Variants in STARD13 observed in about 807,000 individuals in gnomAD.
STARD13 encodes StAR related lipid transfer domain containing 13.
Under a neutral mutation model 106.4 loss-of-function variants are expected in STARD13, and 62 were observed. The ratio of observed to expected loss-of-function variants is 0.58; its 90% CI spans 0.48 to 0.72. STARD13 has a LOEUF of 0.72. Ranked by LOEUF, STARD13 falls within the 30% of genes least tolerant of loss-of-function variation. STARD13 has a pLI of 0.00. For synonymous variants in STARD13, 565 were observed against 553.0 expected (o/e 1.02, Z -0.31); for missense variants, 1,387 against 1,424.0 (o/e 0.97, Z 0.42).
intron 1 of STARD13, among the ~76,000 whole-genome samples, chr13:33,296,381 T>C (rs1285787704): frequency 6.6e-6 from 1 of 152,134 alleles, no homozygotes; most frequent in Non-Finnish European, 1.5e-5. Flanking sequence ...TATCAGTCAA[T>C]TAAATATTTT....
intron 1 of STARD13, among the ~76,000 whole-genome samples, chr13:33,231,755 T>C (rs1042728072): frequency 6.6e-6 from 1 of 152,150 alleles, no homozygotes; most frequent in Admixed American, 6.5e-5. Context: ...GTCCGGGGCA[T>C]TCCCATAACT....
At chr13:33,353,815 C>A (rs1294567992), upstream of STARD13, among the ~76,000 whole-genome samples, 1 of 127,510 alleles carries the variant, frequency 7.8e-6, no homozygotes, top group Non-Finnish European at 1.8e-5. Flanking sequence ...GCTTCCACTT[C>A]CAGACATTGT....
At chr13:33,637,449 G>C in the STARD13 span, among the ~76,000 whole-genome samples, 1 of 152,188 alleles carries the variant, frequency 6.6e-6, no homozygotes. Context: ...AAAACTTGTC[G>C]TGAGAAGGAT....
chr13:33,111,973 T>A, intron 9 of STARD13, 81 bp from the exon 10 acceptor site: 1 of 858,328 alleles, frequency 1.2e-6, no homozygotes, highest in Non-Finnish European at 2.0e-6. Flanking sequence ...TTTTGTTTTC[T>A]GTTTATACCC....
chr13:33,532,001 T>C, the STARD13 span, among the ~76,000 whole-genome samples: 1 of 152,208 alleles, frequency 6.6e-6, no homozygotes, highest in Non-Finnish European at 1.5e-5. Context: ...CGTCCCCATC[T>C]TTTTAGTGAT....
At chr13:33,296,818 C>G (rs1387026326) in intron 1 of STARD13, among the ~76,000 whole-genome samples, 1 of 152,138 alleles carries the variant, frequency 6.6e-6, no homozygotes, top group Non-Finnish European at 1.5e-5. Context: ...AGGGTTTCAC[C>G]ATGTTGGCCA....
chr13:33,385,135 A>T, the STARD13 span, among the ~76,000 whole-genome samples: 2 of 144,168 alleles, frequency 1.4e-5, no homozygotes, highest in African/African-American at 5.1e-5. Context: ...GAATATATAT[A>T]TATATATATA....
rs144309419 is a variant in STARD13 at position 33,332,474 on chromosome 13, A to G, written c.124+17816T>C. Among the ~76,000 whole-genome samples the G allele has an allele frequency of 1.8e-3, 269 of 152,326 alleles. 2 individuals carry two copies. The highest frequency in any genetic ancestry group is 6.2e-3 in the African/African-American group (256 of 41,566). On this transcript the variant is annotated intron_variant, in intron 1 of 5. Transcript: ENST00000567873. ...GATTAGTGACCTTATAAAAGGGACC[A>G]CAGAGAGATTTCTCACTCTCTTTCT...
At chr13:33,653,753 GA>G in the STARD13 span, among the ~76,000 whole-genome samples, 1 of 151,892 alleles carries the variant, frequency 6.6e-6, no homozygotes, top group Non-Finnish European at 1.5e-5. Context: ...CCACAAAATT[GA>G]GGAAGATATT....
At chr13:33,326,260 A>G (rs1159120518) in intron 1 of STARD13, among the ~76,000 whole-genome samples, 2 of 152,166 alleles carry the variant, frequency 1.3e-5, no homozygotes, top group Non-Finnish European at 2.9e-5. Flanking sequence ...TCCCTATGCT[A>G]GGAAAGCCCT....
At chr13:33,335,568 C>T (rs1481118965) in intron 1 of STARD13, among the ~76,000 whole-genome samples, 1 of 152,246 alleles carries the variant, frequency 6.6e-6, no homozygotes, top group Non-Finnish European at 1.5e-5. Context: ...CTTGCACACG[C>T]CACTTAACCT....
chr13:33,502,002 CT>C, the STARD13 span, among the ~76,000 whole-genome samples: 1 of 152,170 alleles, frequency 6.6e-6, no homozygotes. Context: ...GATATTGATT[CT>C]TCCTATCCAT....
chr13:33,350,594 G>A (rs1179644804), exon 1 of STARD13: 1 of 1,385,938 alleles, frequency 7.2e-7, no homozygotes, highest in Admixed American at 3.2e-5. Flanking sequence ...GCGAGGACCG[G>A]GATGCCTGGC....
intron 3 of STARD13, among the ~76,000 whole-genome samples, chr13:33,163,658 C>CATATATATAAAACAT (rs1882953118): frequency 1.4e-5 from 1 of 71,622 alleles, no homozygotes; most frequent in African/African-American, 4.1e-5. Context: ...ATATATAAAA[C>CATATATATAAAACAT]ATATATATAT....
chr13:33,181,206 T>C (rs1885195420), intron 1 of STARD13, among the ~76,000 whole-genome samples: 1 of 152,134 alleles, frequency 6.6e-6, no homozygotes. Flanking sequence ...CCGTGGGCTA[T>C]CAATTTCTGA....
At chr13:33,227,875 G>A (rs1438770740) in intron 1 of STARD13, among the ~76,000 whole-genome samples, 2 of 152,128 alleles carry the variant, frequency 1.3e-5, no homozygotes, top group Non-Finnish European at 2.9e-5. Context: ...GGAGAATACT[G>A]CAAAGCACAA....
chr13:33,240,106 G>A (rs1251325941), intron 1 of STARD13, among the ~76,000 whole-genome samples: 1 of 152,108 alleles, frequency 6.6e-6, no homozygotes, highest in African/African-American at 2.4e-5. Context: ...TCACTGGTAT[G>A]TAAATATCCA....
At chr13:33,593,043 A>G in the STARD13 span, among the ~76,000 whole-genome samples, 2 of 152,184 alleles carry the variant, frequency 1.3e-5, no homozygotes, top group African/African-American at 4.8e-5. Context: ...GAGATGCTCC[A>G]TGGGTGCACT....
chr13:33,315,484 C>T (rs982128981), intron 1 of STARD13, among the ~76,000 whole-genome samples: 1 of 152,124 alleles, frequency 6.6e-6, no homozygotes, highest in African/African-American at 2.4e-5. Flanking sequence ...AATGGCCACC[C>T]CCAGAGTGAG....
Sources: gnomAD v4.1 joint callset for allele counts (sites outside exome capture counted in the v4.1 genomes callset) on GRCh38, gnomAD v4.1.1 for gene constraint, MANE v1.5 for transcripts, NCBI Gene and HGNC (gene_info 2026-07-23, HGNC 2026-07-21) for gene names.